Variants in PCDHGB3 observed in about 807,000 individuals in gnomAD.
PCDHGB3 encodes the protein protocadherin gamma subfamily B, 3, also known as protocadherin gamma-B3.
In PCDHGB3, 40 loss-of-function variants were observed where a neutral mutation model predicts 59.2. That is an observed-to-expected ratio of 0.68 (90% CI 0.52 to 0.88). PCDHGB3 has a LOEUF of 0.88. Ranked by LOEUF, PCDHGB3 falls within the 40% of genes least tolerant of loss-of-function variation. The probability of loss-of-function intolerance (pLI) is 0.00; values close to 1 mark genes in which losing one functional copy is unlikely to be tolerated. For synonymous variants in PCDHGB3, 581 were observed against 503.6 expected (o/e 1.15, Z -2.06); for missense variants, 1,309 against 1,187.9 (o/e 1.10, Z -1.50).
rs1252361961 is a variant in PCDHGB3 at position 141,486,106 on chromosome 5, G to A, written c.2416-8701G>A. The A allele has an allele frequency of 2.5e-6, 4 of 1,614,190 alleles. No individual in the cohort carries two copies. The highest frequency in any genetic ancestry group is 1.1e-5 in the South Asian group (1 of 91,086). Reference sequence around the variant, plus strand: ...CTCTTTTGGGGCCCCTAGACTTTGAGAGTGAGAATTACTATGAATTTGATG... The same window carrying A: ...CTCTTTTGGGGCCCCTAGACTTTGAAAGTGAGAATTACTATGAATTTGATG... On this transcript the variant is annotated intron_variant, in intron 1 of 3. Transcript: ENST00000576222. The surrounding 1 kb of genome is among the most constrained non-coding windows in gnomAD (Gnocchi z 5.0).
At chr5:141,445,538 G>A (rs1188324168) in intron 1 of PCDHGB3, among the ~76,000 whole-genome samples, 1 of 152,168 alleles carries the variant, frequency 6.6e-6, no homozygotes, top group African/African-American at 2.4e-5. Flanking sequence ...AGCCAACAAG[G>A]AGAAATACAA....
At chr5:141,383,471 A>G in intron 1 of PCDHGB3, 1 of 1,613,632 alleles carries the variant, frequency 6.2e-7, no homozygotes, top group South Asian at 1.1e-5. Flanking sequence ...GAAACTAAGT[A>G]CCCGGAACTG....
intron 1 of PCDHGB3, chr5:141,413,664 T>A: frequency 6.2e-7 from 1 of 1,613,858 alleles, no homozygotes; most frequent in Non-Finnish European, 8.5e-7. Flanking sequence ...AAGCTATTGA[T>A]CCGGATGTGG....
In PCDHGB3 at chr5:141,432,002, G is replaced by A. The variant is rs781525225; in HGVS notation, c.2415+59193G>A. On this transcript the variant is annotated intron_variant, in intron 1 of 3. Transcript: ENST00000576222. This position sits in a 1 kb window ranked among gnomAD's most constrained non-coding sequence, Gnocchi z 6.0. ...AGACATAGTCTTGGATAGGGAACAG[G>A]TTCCTAGCTACAACATCACAGTGAC... The A allele has an allele frequency of 1.9e-6, 3 of 1,614,186 alleles. No homozygotes were observed. In the South Asian group the frequency reaches 3.3e-5, roughly 18 times the overall value.
At chr5:141,409,708 G>C (rs2095304272) in intron 1 of PCDHGB3, 5 of 1,613,088 alleles carry the variant, frequency 3.1e-6, no homozygotes, top group Non-Finnish European at 1.7e-6. Context: ...TGGCGGTGTC[G>C]TCATACGTGT....
chr5:141,376,393 C>T, intron 1 of PCDHGB3: 1 of 1,614,222 alleles, frequency 6.2e-7, no homozygotes, highest in Non-Finnish European at 8.5e-7. Context: ...ATCTGATTTT[C>T]CCCCAGCCCA....
chr5:141,444,373 G>A (rs2098434682), intron 1 of PCDHGB3, among the ~76,000 whole-genome samples: 1 of 151,902 alleles, frequency 6.6e-6, no homozygotes, highest in South Asian at 2.1e-4. Context: ...GTTTCTCCAT[G>A]TTGGTCAGGC....
intron 1 of PCDHGB3, chr5:141,399,027 A>G (rs1427563902): frequency 6.2e-7 from 1 of 1,613,788 alleles, no homozygotes; most frequent in Non-Finnish European, 8.5e-7. Context: ...TTACCACTCA[A>G]AAGAAACTGG....
chr5:141,455,109 G>A (rs2098813382), intron 1 of PCDHGB3, among the ~76,000 whole-genome samples: 1 of 151,932 alleles, frequency 6.6e-6, no homozygotes, highest in South Asian at 2.1e-4. Context: ...ACTGCGCCCG[G>A]TGGGTCTAAT....
chr5:141,502,373 C>A (rs2099813965), intron 2 of PCDHGB3, among the ~76,000 whole-genome samples: 1 of 151,806 alleles, frequency 6.6e-6, no homozygotes, highest in African/African-American at 2.4e-5. Context: ...TTAAAGAGTC[C>A]AGGCCAGTTG....
chr5:141,462,431 T>G (rs1345184304), intron 1 of PCDHGB3, among the ~76,000 whole-genome samples: 1 of 152,246 alleles, frequency 6.6e-6, no homozygotes, highest in East Asian at 1.9e-4. Context: ...TGGTGAGTGT[T>G]GCTTACACAC....
chr5:141,431,464 G>A lies in PCDHGB3; in HGVS notation c.2415+58655G>A. The A allele has an allele frequency of 1.9e-6, 3 of 1,613,782 alleles. No individual in the cohort carries two copies. Among genetic ancestry groups the A allele is most frequent in the Non-Finnish European group, 1.7e-6 (2 of 1,179,972 alleles). ...GCATCCGCGTGATGGTTCTGGATGC[G>A]AACGACAACGCACCAGCGTTTGCTC... On this transcript the variant is annotated intron_variant, in intron 1 of 3. Coordinates refer to ENST00000576222, the MANE Select transcript of PCDHGB3 (RefSeq NM_018924.5). This position sits in a 1 kb window ranked among gnomAD's most constrained non-coding sequence, Gnocchi z 4.8.
chr5:141,403,442 G>C (rs565143998), intron 1 of PCDHGB3: 1 of 1,614,024 alleles, frequency 6.2e-7, no homozygotes, highest in East Asian at 2.2e-5. Flanking sequence ...GGATGTTGGC[G>C]TGAACTCCCT....
intron 1 of PCDHGB3, chr5:141,417,540 A>G (rs1301087527): frequency 2.0e-5 from 6 of 301,520 alleles, no homozygotes; most frequent in Non-Finnish European, 3.6e-5. Context: ...TTTAAAAAAA[A>G]TTCCTTGAAA....
rs780436102 is a variant in PCDHGB3, at chr5:141,431,846, G to A, written c.2415+59037G>A. 1 of 1,614,274 alleles carries A rather than the reference G, an allele frequency of 6.2e-7. No individual in the cohort carries two copies. Among genetic ancestry groups the A allele is most frequent in the South Asian group, 1.1e-5 (1 of 91,088 alleles). On this transcript the variant is annotated intron_variant, in intron 1 of 3. Coordinates refer to ENST00000576222, the MANE Select transcript of PCDHGB3 (RefSeq NM_018924.5). The surrounding 1 kb of genome is among the most constrained non-coding windows in gnomAD (Gnocchi z 4.8). ...CTCGGTTCCCGAAAACTCTCCCAGA[G>A]GGACATTAATTGCCCTTTTAAATGT...
intron 1 of PCDHGB3, chr5:141,382,906 G>A (rs1778564792): frequency 6.5e-7 from 1 of 1,544,848 alleles, no homozygotes; most frequent in Non-Finnish European, 8.7e-7. Context: ...GACTATGGCG[G>A]CTCAGCCGAG....
intron 1 of PCDHGB3, chr5:141,383,184 C>A: frequency 6.2e-7 from 1 of 1,614,082 alleles, no homozygotes; most frequent in East Asian, 2.2e-5. Context: ...GGGAAGAGAT[C>A]TGCGCTCAGA....
intron 1 of PCDHGB3, chr5:141,430,857 A>G: frequency 1.3e-6 from 2 of 1,591,432 alleles, no homozygotes; most frequent in Non-Finnish European, 1.7e-6. Flanking sequence ...CAGATACGCT[A>G]TTCAGTTCCG....
chr5:141,389,814 G>T, intron 1 of PCDHGB3: 3 of 1,613,868 alleles, frequency 1.9e-6, no homozygotes, highest in Non-Finnish European at 2.5e-6. Flanking sequence ...TCTGGTCGCC[G>T]TGCGTGACGG....
Sources: gnomAD v4.1 joint callset for allele counts (sites outside exome capture counted in the v4.1 genomes callset) on GRCh38, gnomAD v4.1.1 for gene constraint, Gnocchi (gnomAD v3.1) non-coding constraint, MANE v1.5 for transcripts, NCBI Gene and HGNC (gene_info 2026-07-23, HGNC 2026-07-21) for gene names.